The following TRDN variants were observed in gnomAD, a reference collection of about 807,000 sequenced individuals.
TRDN encodes triadin, also known as triadin in skeletal muscle.
A neutral mutation model predicts 149.7 loss-of-function variants in TRDN; 161 were observed. The ratio of observed to expected loss-of-function variants is 1.08; its 90% CI spans 0.95 to 1.23. The LOEUF (loss-of-function observed/expected upper bound fraction) is 1.23, where lower values mean the gene tolerates loss of function less well. Ranked by LOEUF, TRDN falls within the 50% of genes most tolerant of loss-of-function variation. The pLI is 0.00. For missense variants in TRDN, 896 were observed against 823.5 expected (o/e 1.09, Z -1.08); for synonymous variants, 294 against 250.5 (o/e 1.17, Z -1.64).
chr6:123,546,889 T>A, intron 4 of TRDN, among the ~76,000 whole-genome samples: 1 of 152,168 alleles, frequency 6.6e-6, no homozygotes, highest in East Asian at 1.9e-4. Context: ...GGCTGTTATG[T>A]CCCTCACCGT....
intron 24 of TRDN, among the ~76,000 whole-genome samples, chr6:123,301,224 T>G (rs1582840464): frequency 1.3e-5 from 2 of 152,058 alleles, no homozygotes; most frequent in Admixed American, 1.3e-4. Context: ...TGTAGTGGTA[T>G]TTTTCAAGTT....
intron 38 of TRDN, among the ~76,000 whole-genome samples, chr6:123,233,562 G>T (rs1775685932): frequency 6.6e-6 from 1 of 152,060 alleles, no homozygotes; most frequent in Admixed American, 6.6e-5. Context: ...AGGCCACAGT[G>T]CTGGGACCCA....
intron 12 of TRDN, among the ~76,000 whole-genome samples, chr6:123,432,010 A>C (rs1004499864): frequency 2.6e-5 from 4 of 152,182 alleles, no homozygotes; most frequent in African/African-American, 9.6e-5. Flanking sequence ...TGCCACATAC[A>C]GTAATTGAAA....
At chr6:123,237,788 T>C (rs1775843734) in intron 38 of TRDN, among the ~76,000 whole-genome samples, 1 of 152,170 alleles carries the variant, frequency 6.6e-6, no homozygotes, top group Non-Finnish European at 1.5e-5. Context: ...TAAATTCCTG[T>C]GCCCTGAAAG....
Position 123,244,417 on chromosome 6 carries a change from G to A in TRDN, c.1975+7995C>T, listed in dbSNP as rs139161910. Among the ~76,000 whole-genome samples, 669 of 152,120 alleles carry A rather than the reference G, an allele frequency of 4.4e-3. 7 individuals are homozygous for A. The highest frequency in any genetic ancestry group is 0.015 in the African/African-American group (637 of 41,496). On this transcript the variant is annotated intron_variant, in intron 38 of 40. Coordinates refer to ENST00000334268, the MANE Select transcript of TRDN (RefSeq NM_006073.4). ...AAGAACATAAATGACTGATGGAGCC[G>A]AAAAACACAGCACGAGAATTTCCTG...
At chr6:123,406,218 A>AT (rs1252527939) in intron 12 of TRDN, among the ~76,000 whole-genome samples, 3 of 152,226 alleles carry the variant, frequency 2.0e-5, no homozygotes, top group Admixed American at 6.5e-5. Flanking sequence ...TTCAACAAAA[A>AT]TAAATTTCAC....
At chr6:123,455,156 T>C (rs1776034603) in intron 10 of TRDN, among the ~76,000 whole-genome samples, 1 of 152,132 alleles carries the variant, frequency 6.6e-6, no homozygotes, top group Non-Finnish European at 1.5e-5. Context: ...TATTTCTGAA[T>C]TTAGTATGCA....
intron 20 of TRDN, among the ~76,000 whole-genome samples, chr6:123,360,591 G>A (rs1418324950): frequency 6.6e-6 from 1 of 152,128 alleles, no homozygotes; most frequent in Non-Finnish European, 1.5e-5. Flanking sequence ...TCAGTGGCAT[G>A]GTAGGGACAG....
intron 12 of TRDN, among the ~76,000 whole-genome samples, chr6:123,420,583 A>G (rs1350931330): frequency 6.6e-6 from 1 of 152,210 alleles, no homozygotes; most frequent in African/African-American, 2.4e-5. Flanking sequence ...ACAGTGAGCA[A>G]AAGTGAATAA....
rs1194947265 is a variant in TRDN at position 123,477,760 on chromosome 6, G to A, written c.854-12777C>T. Among the ~76,000 whole-genome samples the A allele has an allele frequency of 2.6e-5, 4 of 152,118 alleles. No individual in the cohort carries two copies. In the East Asian group the frequency reaches 7.7e-4, roughly 29 times the overall value. ...AATGATGAGTTCATGTCCTTTGTAGGGACATGGATGAAATTGGAAATCATC... is the reference window on the plus strand; with the variant it reads ...AATGATGAGTTCATGTCCTTTGTAGAGACATGGATGAAATTGGAAATCATC... On this transcript the variant is annotated intron_variant, in intron 9 of 40. Coordinates refer to ENST00000334268, the MANE Select transcript of TRDN (RefSeq NM_006073.4).
intron 10 of TRDN, among the ~76,000 whole-genome samples, chr6:123,462,067 C>A (rs1368477337): frequency 1.3e-5 from 2 of 151,964 alleles, no homozygotes; most frequent in African/African-American, 4.8e-5. Flanking sequence ...CAACAATGAC[C>A]ACAATGATGA....
At chr6:123,477,220 A>G (rs1432336787) in intron 9 of TRDN, among the ~76,000 whole-genome samples, 4 of 128,576 alleles carry the variant, frequency 3.1e-5, no homozygotes, top group African/African-American at 5.8e-5. Flanking sequence ...CAAGAAAAAA[A>G]CAAACAACCC....
intron 4 of TRDN, among the ~76,000 whole-genome samples, chr6:123,532,345 CT>C (rs1780290280): frequency 6.6e-6 from 1 of 151,972 alleles, no homozygotes; most frequent in South Asian, 2.1e-4. Context: ...GAATACTAAC[CT>C]AGAGTCGCTT....
intron 21 of TRDN, chr6:123,351,543 T>C: frequency 3.1e-6 from 3 of 982,022 alleles, no homozygotes; most frequent in Non-Finnish European, 3.6e-6. Context: ...CATGCAATTA[T>C]AAAGGGATTT....
chr6:123,442,613 G>A (rs1774990459), intron 10 of TRDN, among the ~76,000 whole-genome samples: 1 of 151,424 alleles, frequency 6.6e-6, no homozygotes, highest in Non-Finnish European at 1.5e-5. Flanking sequence ...GAGATAACTG[G>A]GCTAAAATGC....
intron 12 of TRDN, among the ~76,000 whole-genome samples, chr6:123,430,355 C>T (rs141156941): frequency 2.6e-5 from 4 of 151,422 alleles, no homozygotes; most frequent in African/African-American, 7.3e-5. Flanking sequence ...GGCCGAGGCG[C>T]GCACATCACA....
intron 19 of TRDN, among the ~76,000 whole-genome samples, chr6:123,374,389 T>A (rs1411047015): frequency 6.6e-6 from 1 of 152,150 alleles, no homozygotes; most frequent in Non-Finnish European, 1.5e-5. Context: ...TTGTTTGATA[T>A]ATTTTCTTGA....
At chr6:123,427,501 A>C (rs1210920772) in intron 12 of TRDN, among the ~76,000 whole-genome samples, 1 of 152,102 alleles carries the variant, frequency 6.6e-6, no homozygotes, top group Non-Finnish European at 1.5e-5. Context: ...AAATTCAAGA[A>C]AGATACCCAC....
intron 20 of TRDN, among the ~76,000 whole-genome samples, chr6:123,353,337 A>G (rs1780538153): frequency 1.3e-5 from 2 of 151,834 alleles, no homozygotes; most frequent in Admixed American, 1.3e-4. Context: ...ACAACTTTAA[A>G]ATGAAGAAAT....
Sources: gnomAD v4.1 joint callset for allele counts (sites outside exome capture counted in the v4.1 genomes callset) on GRCh38, gnomAD v4.1.1 for gene constraint, MANE v1.5 for transcripts, NCBI Gene and HGNC (gene_info 2026-07-23, HGNC 2026-07-21) for gene names.